The following FBN2 variants were observed in gnomAD, a reference collection of about 807,000 sequenced individuals.
The protein encoded by FBN2 is fibrillin 2.
In FBN2, 105 loss-of-function variants were observed where a neutral mutation model predicts 355.6. That is an observed-to-expected ratio of 0.30 (90% CI 0.25 to 0.35). The LOEUF (loss-of-function observed/expected upper bound fraction) is 0.35. Ranked by LOEUF, FBN2 falls within the 10% of genes least tolerant of loss-of-function variation. The probability of loss-of-function intolerance (pLI) is 1.00; values close to 1 mark genes in which losing one functional copy is unlikely to be tolerated. For missense variants in FBN2, 3,280 were observed against 3,758.7 expected, an observed-to-expected ratio of 0.87 and a Z score of 3.33; for synonymous variants, 1,350 against 1,301.2, an observed-to-expected ratio of 1.04 and a Z score of -0.81.
intron 5 of FBN2, among the ~76,000 whole-genome samples, chr5:128,477,973 T>C (rs1755050075): frequency 6.6e-6 from 1 of 152,218 alleles, no homozygotes; most frequent in Non-Finnish European, 1.5e-5. Context: ...CACTTTGATA[T>C]AACCTCTAAA....
intron 23 of FBN2, among the ~76,000 whole-genome samples, chr5:128,346,466 G>A (rs1751184522): frequency 6.6e-6 from 1 of 152,198 alleles, no homozygotes; most frequent in Admixed American, 6.5e-5. Flanking sequence ...CTGTCTAACG[G>A]AGGGAATGAG....
intron 34 of FBN2, among the ~76,000 whole-genome samples, chr5:128,326,593 A>C (rs1750554967): frequency 6.6e-6 from 1 of 152,238 alleles, no homozygotes; most frequent in Non-Finnish European, 1.5e-5. Context: ...ATTTATAATA[A>C]GATGGGTAGA....
chr5:128,291,928 C>T (rs1256010978), intron 48 of FBN2, among the ~76,000 whole-genome samples: 2 of 152,146 alleles, frequency 1.3e-5, no homozygotes, highest in African/African-American at 4.8e-5. Context: ...ACATGAACAA[C>T]TCCATGTCTC....
At chr5:128,442,215 C>G (rs909641318) in intron 7 of FBN2, 11 of 422,804 alleles carry the variant, frequency 2.6e-5, no homozygotes, top group South Asian at 1.9e-4. Flanking sequence ...CATAAAGAGC[C>G]ATTTAAGGGA....
rs143195229 is a variant in FBN2, at chr5:128,312,756, C to T, written c.4757G>A (p.Arg1586Gln). The T allele has an allele frequency of 6.2e-6, 10 of 1,613,784 alleles. No homozygotes were observed. The highest frequency in any genetic ancestry group is 1.1e-5 in the South Asian group (1 of 91,074). The change falls in exon 37 of 65, where the codon CGA (arginine) becomes CAA (glutamine). Residue 1586 changes from arginine (R) to glutamine (Q), a missense_variant. Transcript: ENST00000262464. ...GTTGCAAGACAGACTCCCATCTCCTCGAGGTCCAAACTTCAGGTAGCAGTT... is the reference window on the plus strand; with the variant it reads ...GTTGCAAGACAGACTCCCATCTCCTTGAGGTCCAAACTTCAGGTAGCAGTT... Reference protein sequence around the residue: ...VGNCYLKFGPRGDGSLSCNTE... With the variant: ...VGNCYLKFGPQGDGSLSCNTE...
intron 48 of FBN2, among the ~76,000 whole-genome samples, chr5:128,295,516 T>C (rs1243846453): frequency 1.4e-4 from 21 of 147,428 alleles, no homozygotes; most frequent in Admixed American, 4.0e-4. Context: ...TTTCCTTGAG[T>C]AGTGGTTTGT....
chr5:128,342,960 C>T (rs556614220), intron 25 of FBN2, among the ~76,000 whole-genome samples: 23 of 152,020 alleles, frequency 1.5e-4, no homozygotes, highest in African/African-American at 5.5e-4. Flanking sequence ...ACTCCTGACC[C>T]CAGGTGATCT....
At chr5:128,460,122 T>A (rs1407458043) in intron 6 of FBN2, among the ~76,000 whole-genome samples, 1 of 152,170 alleles carries the variant, frequency 6.6e-6, no homozygotes, top group East Asian at 1.9e-4. Flanking sequence ...AGTCTCAGGA[T>A]ACAAAATCGG....
intron 7 of FBN2, among the ~76,000 whole-genome samples, chr5:128,430,144 T>G (rs1200815150): frequency 6.6e-6 from 1 of 152,186 alleles, no homozygotes; most frequent in South Asian, 2.1e-4. Context: ...GCCTTTAATT[T>G]AGTCATTTGC....
At chr5:128,485,395 T>C (rs773342631) in intron 5 of FBN2, among the ~76,000 whole-genome samples, 3 of 152,162 alleles carry the variant, frequency 2.0e-5, no homozygotes, top group Non-Finnish European at 4.4e-5. Flanking sequence ...ATAATCTAAA[T>C]GTCTATTAGT....
chr5:128,269,069 G>A (rs898572704), intron 62 of FBN2, among the ~76,000 whole-genome samples: 1 of 152,014 alleles, frequency 6.6e-6, no homozygotes, highest in African/African-American at 2.4e-5. Flanking sequence ...AATAGGAAGA[G>A]AGGATGTCAA....
At chr5:128,288,720 G>A (rs1010120375) in intron 52 of FBN2, among the ~76,000 whole-genome samples, 163 bp from the exon 53 acceptor site, 2 of 152,188 alleles carry the variant, frequency 1.3e-5, no homozygotes, top group Non-Finnish European at 2.9e-5. Context: ...ATGTAGTGCA[G>A]AGGGTCTGAA....
chr5:128,492,310 T>A lies in FBN2; in HGVS notation c.628+26963A>T, dbSNP rs142660796. On this transcript the variant is annotated intron_variant, in intron 5 of 64. Coordinates refer to ENST00000262464, the MANE Select transcript of FBN2 (RefSeq NM_001999.4). ...CCAGTCCCAAGAATCATTTTCTTTT[T>A]CACTGTCCAATAGCCTACTATTTCT... is the stretch of plus-strand genomic sequence containing the variant. Among the ~76,000 whole-genome samples, 977 of 152,324 alleles carry A rather than the reference T, an allele frequency of 6.4e-3. 11 individuals are homozygous for A. The highest frequency in any genetic ancestry group is 0.021 in the African/African-American group (893 of 41,562).
intron 5 of FBN2, among the ~76,000 whole-genome samples, chr5:128,505,172 T>C (rs1755922779): frequency 6.6e-6 from 1 of 152,200 alleles, no homozygotes; most frequent in South Asian, 2.1e-4. Flanking sequence ...AAATTACCCA[T>C]TCTTGGTTAT....
chr5:128,372,570 T>A (rs1751970178), intron 15 of FBN2, among the ~76,000 whole-genome samples: 7 of 152,100 alleles, frequency 4.6e-5, no homozygotes, highest in Non-Finnish European at 8.8e-5. Flanking sequence ...TAGCTCACTG[T>A]AACCTCCACC....
intron 47 of FBN2, 136 bp from the exon 48 acceptor site, chr5:128,301,072 C>G: frequency 2.5e-6 from 2 of 792,100 alleles, no homozygotes; most frequent in Non-Finnish European, 4.2e-6. Context: ...ACAAATATTA[C>G]CAAAGATACT....
At chr5:128,274,830 T>C (rs1460328902) in intron 59 of FBN2, 147 bp from the exon 60 acceptor site, 25 of 677,768 alleles carry the variant, frequency 3.7e-5, no homozygotes, top group Non-Finnish European at 5.9e-5. Context: ...CATAGGCATA[T>C]GGCAAACAGT....
At chr5:128,319,912 C>T (rs183225819) in intron 34 of FBN2, among the ~76,000 whole-genome samples, 51 of 152,294 alleles carry the variant, frequency 3.3e-4, no homozygotes, top group African/African-American at 1.2e-3. Flanking sequence ...AGACCAGGCA[C>T]GTCATTTTAG....
chr5:128,280,085 G>A, intron 56 of FBN2, 107 bp downstream of exon 56: 2 of 880,270 alleles, frequency 2.3e-6, no homozygotes, highest in Non-Finnish European at 1.9e-6. Context: ...TATTGAGATT[G>A]GGGGATTTGT....
Sources: gnomAD v4.1 joint callset for allele counts (sites outside exome capture counted in the v4.1 genomes callset) on GRCh38, gnomAD v4.1.1 for gene constraint, MANE v1.5 for transcripts, NCBI Gene and HGNC (gene_info 2026-07-23, HGNC 2026-07-21) for gene names.